The following WDR27 variants were observed in gnomAD, a reference collection of about 807,000 sequenced individuals.
WDR27 encodes WD repeat-containing protein 27.
A neutral mutation model predicts 114.4 loss-of-function variants in WDR27; 100 were observed. That is an observed-to-expected ratio of 0.87 (90% confidence interval 0.74 to 1.03). The LOEUF (loss-of-function observed/expected upper bound fraction) is 1.03. WDR27 is among the 50% of genes least tolerant of loss of function. The pLI is 0.00. For synonymous variants in WDR27, 449 were observed against 423.1 expected, an observed-to-expected ratio of 1.06 and a Z score of -0.75; for missense variants, 1,129 against 1,092.9, an observed-to-expected ratio of 1.03 and a Z score of -0.47.
intron 5 of WDR27, 137 bp from the exon 6 acceptor site, chr6:169,667,324 C>G: frequency 8.1e-7 from 1 of 1,238,856 alleles, no homozygotes; most frequent in South Asian, 4.0e-5. Flanking sequence ...AAAATGAGCA[C>G]AAAAATAATA....
At chr6:169,601,251 C>G (rs979765138) in intron 23 of WDR27, among the ~76,000 whole-genome samples, 2 of 152,206 alleles carry the variant, frequency 1.3e-5, no homozygotes, top group African/African-American at 4.8e-5. Flanking sequence ...CCTTTACAGA[C>G]AAGCAAATGC....
intron 25 of WDR27, among the ~76,000 whole-genome samples, chr6:169,543,335 C>T (rs1584096229): frequency 6.6e-6 from 1 of 152,018 alleles, no homozygotes; most frequent in East Asian, 1.9e-4. Context: ...CTATTTAAAG[C>T]CAGAATAATC....
At chr6:169,613,496 C>T in intron 22 of WDR27, 63 bp downstream of exon 22, 6 of 1,287,100 alleles carry the variant, frequency 4.7e-6, no homozygotes, top group Non-Finnish European at 6.7e-6. Context: ...GAAAAGAGAT[C>T]AGATTGAGCT....
rs765149293 is a variant in WDR27 at position 169,668,164 on chromosome 6, T to C, written c.478A>G (p.Ile160Val). The C allele has an allele frequency of 2.0e-5, 32 of 1,614,028 alleles. No individual in the cohort carries two copies. Among genetic ancestry groups the C allele is most frequent in the Non-Finnish European group, 2.4e-5 (28 of 1,179,890 alleles). Residue 160 changes from isoleucine (I) to valine (V), a missense_variant, in exon 5 of 26, where the codon ATA (isoleucine) becomes GTA (valine). Ile to Val is a conservative substitution (Grantham distance 29). Transcript: ENST00000448612. ...CGGTTATTAACATCAGGACGTTCTA[T>C]GTATGTCACAGAAAATCGCTGCTAT... is the stretch of plus-strand genomic sequence containing the variant. ...DIEQRFSVTY[I>V]ERPDVNNRHK... is the part of the protein sequence containing the mutation.
At chr6:169,677,491 A>G (rs1397952732) in intron 2 of WDR27, among the ~76,000 whole-genome samples, 1 of 152,172 alleles carries the variant, frequency 6.6e-6, no homozygotes, top group Non-Finnish European at 1.5e-5. Context: ...GTTGGAATTT[A>G]TATTTAAAAG....
At chr6:169,489,793 T>G (rs1789497113) in intron 25 of WDR27, among the ~76,000 whole-genome samples, 1 of 152,172 alleles carries the variant, frequency 6.6e-6, no homozygotes, top group South Asian at 2.1e-4. Context: ...AAGACTTCAA[T>G]TCTATAATTT....
intron 25 of WDR27, among the ~76,000 whole-genome samples, chr6:169,549,735 G>A (rs1384764939): frequency 1.3e-5 from 2 of 152,196 alleles, no homozygotes; most frequent in African/African-American, 4.8e-5. Context: ...CACAGAGGAA[G>A]CTTAAACACA....
At chr6:169,462,609 GGAGA>G (rs762025083) in intron 25 of WDR27, among the ~76,000 whole-genome samples, 4 of 152,120 alleles carry the variant, frequency 2.6e-5, no homozygotes, top group African/African-American at 7.2e-5. Context: ...AAAAAACTGA[GGAGA>G]AAGAAACATT....
At chr6:169,429,933 G>A in the WDR27 span, among the ~76,000 whole-genome samples, 2 of 152,192 alleles carry the variant, frequency 1.3e-5, no homozygotes, top group Non-Finnish European at 2.9e-5. Context: ...GCCACGGTGT[G>A]GTATGGGTCC....
At chr6:169,498,634 G>C (rs2115468406) in intron 25 of WDR27, among the ~76,000 whole-genome samples, 1 of 152,300 alleles carries the variant, frequency 6.6e-6, no homozygotes, top group African/African-American at 2.4e-5. Flanking sequence ...AGCTTTGCTT[G>C]ATTTCTCATC....
rs59345326 is a variant in WDR27, at chr6:169,557,895, C to T, written c.2645+14524G>A. Among the ~76,000 whole-genome samples, 48 of 152,166 alleles carry T rather than the reference C, an allele frequency of 3.2e-4. 1 individual carries two copies. In the East Asian group the frequency reaches 8.9e-3, roughly 28 times the overall value. Reference sequence around the variant, plus strand: ...CTTCATTGCCCTTTTCTATACTGTACACTGTTTTAGACTTGAAAAAACATA... The same window carrying T: ...CTTCATTGCCCTTTTCTATACTGTATACTGTTTTAGACTTGAAAAAACATA... On this transcript the variant is annotated intron_variant, in intron 25 of 25. Transcript: ENST00000448612.
Position 169,647,837 on chromosome 6 carries a change from G to C in WDR27, c.1593C>G (p.Thr531=), listed in dbSNP as rs538462553. ...EAYPVECAVP[T]KPGPQVAAAP... Reference sequence around the variant, plus strand: ...CGGCAGCGACCTGGGGGCCGGGCTTGGTGGGCACAGCGCACTCCACGGGGT... The same window carrying C: ...CGGCAGCGACCTGGGGGCCGGGCTTCGTGGGCACAGCGCACTCCACGGGGT... The change falls in exon 16 of 26, where the codon ACC becomes ACG. Residue 531 remains threonine, a synonymous_variant. Coordinates refer to ENST00000448612, the MANE Select transcript of WDR27 (RefSeq NM_182552.5). 7.0e-6 allele frequency: 11 copies of C among 1,580,110 alleles called. No homozygotes were observed. The African/African-American group carries it at 9.4e-5, about 14-fold the overall frequency.
intron 25 of WDR27, among the ~76,000 whole-genome samples, chr6:169,485,524 T>C (rs1291501032): frequency 6.6e-6 from 1 of 152,054 alleles, no homozygotes; most frequent in Non-Finnish European, 1.5e-5. Flanking sequence ...GCTGGTGAGA[T>C]TGTAGAGAAA....
At chr6:169,618,853 G>A (rs1016818447) in intron 21 of WDR27, among the ~76,000 whole-genome samples, 1 of 152,030 alleles carries the variant, frequency 6.6e-6, no homozygotes, top group African/African-American at 2.4e-5. Context: ...TTGTGCAACT[G>A]AACAAAAATG....
chr6:169,645,036 T>TAA (rs369797685), intron 16 of WDR27, among the ~76,000 whole-genome samples: 4 of 76,924 alleles, frequency 5.2e-5, no homozygotes, highest in Non-Finnish European at 1.0e-4. Context: ...AAAAAAAAAA[T>TAA]AAAAAAAAAA....
chr6:169,612,536 C>T lies in WDR27; in HGVS notation c.2321+1023G>A, dbSNP rs143463403. ...CTGAGGCAAGACAATCCCTTGAGCT[C>T]AGGGGTGGGGTGGTGGGGCAGGGAG... On this transcript the variant is annotated intron_variant, in intron 22 of 25. Coordinates refer to ENST00000448612, the MANE Select transcript of WDR27 (RefSeq NM_182552.5). Among the ~76,000 whole-genome samples, 762 of 142,140 alleles carry T rather than the reference C, an allele frequency of 5.4e-3. 4 individuals carry two copies. The highest frequency in any genetic ancestry group is 0.02 in the African/African-American group (727 of 36,524). The allele number at this position is 142,140 out of a possible 152,430, so 93.2% of individuals were successfully genotyped here.
chr6:169,516,894 GT>G (rs1185853101), intron 25 of WDR27, among the ~76,000 whole-genome samples: 1 of 150,706 alleles, frequency 6.6e-6, no homozygotes, highest in Admixed American at 6.6e-5. Context: ...GAAAACATCT[GT>G]CCTGAGTGAA....
At chr6:169,647,570 T>C (rs1821111258) in intron 16 of WDR27, 3 of 644,042 alleles carry the variant, frequency 4.7e-6, no homozygotes, top group Non-Finnish European at 8.4e-6. Context: ...AGGGGTGAGA[T>C]GCCTGGAGAT....
chr6:169,557,826 A>G (rs1207735947), intron 25 of WDR27, among the ~76,000 whole-genome samples: 1 of 152,148 alleles, frequency 6.6e-6, no homozygotes, highest in East Asian at 1.9e-4. Context: ...CCTCCACTTA[A>G]TAAGTTATCA....
Sources: gnomAD v4.1 joint callset for allele counts (sites outside exome capture counted in the v4.1 genomes callset) on GRCh38, gnomAD v4.1.1 for gene constraint, MANE v1.5 for transcripts, NCBI Gene and HGNC (gene_info 2026-07-23, HGNC 2026-07-21) for gene names.